FUBP3: variants seen among roughly 807,000 people sequenced by gnomAD.
FUBP3 encodes far upstream element-binding protein 3.
Under a neutral mutation model 85.6 loss-of-function variants are expected in FUBP3, and 28 were observed. The ratio of observed to expected loss-of-function variants is 0.33; its 90% CI spans 0.24 to 0.45. The LOEUF (loss-of-function observed/expected upper bound fraction) is 0.45. Ranked by LOEUF, FUBP3 falls within the 20% of genes least tolerant of loss-of-function variation. The pLI is 1.00. For synonymous variants in FUBP3, 271 were observed against 271.4 expected, an observed-to-expected ratio of 1.00 and a Z score of 0.01; for missense variants, 583 against 755.1, an observed-to-expected ratio of 0.77 and a Z score of 2.67.
chr9:130,603,778 T>G (rs1023244328), intron 2 of FUBP3, among the ~76,000 whole-genome samples: 5 of 152,144 alleles, frequency 3.3e-5, no homozygotes, highest in Non-Finnish European at 5.9e-5. Context: ...GTTGCCAAAT[T>G]AAAAGAGGAT....
At chr9:130,592,369 G>A (rs1830663364) in intron 1 of FUBP3, among the ~76,000 whole-genome samples, 1 of 152,160 alleles carries the variant, frequency 6.6e-6, no homozygotes, top group Non-Finnish European at 1.5e-5. Flanking sequence ...GATGAGTGTG[G>A]CTGTGTTCTA....
At chr9:130,594,444 G>A (rs74513151) in intron 1 of FUBP3, among the ~76,000 whole-genome samples, 10 of 152,134 alleles carry the variant, frequency 6.6e-5, no homozygotes, top group African/African-American at 1.4e-4. Flanking sequence ...TTAGCCGGGC[G>A]TGGTGGTGCA....
chr9:130,613,542 G>C (rs1045401078), intron 5 of FUBP3, among the ~76,000 whole-genome samples: 2 of 152,336 alleles, frequency 1.3e-5, no homozygotes, highest in East Asian at 1.9e-4. Context: ...GAGAGATGGA[G>C]TGAAGAACAA....
chr9:130,634,664 C>T lies in FUBP3; in HGVS notation c.1511-3C>T. The T allele has an allele frequency of 6.2e-7, 1 of 1,612,894 alleles. No individual in the cohort carries two copies. Among genetic ancestry groups the T allele is most frequent in the Non-Finnish European group, 8.5e-7 (1 of 1,179,702 alleles). ...CCTGACTGCTTTTGTGTTCTTCGCACAGGCCAGCAGAGCCAGCCGCAGAGC... is the reference window on the plus strand; with the variant it reads ...CCTGACTGCTTTTGTGTTCTTCGCATAGGCCAGCAGAGCCAGCCGCAGAGC... On this transcript the variant is annotated splice_region_variant and splice_polypyrimidine_tract_variant and intron_variant, in intron 16 of 18. Transcript: ENST00000319725.
rs116249470 is a variant in FUBP3 at position 130,600,196 on chromosome 9, A to G, written c.190+4608A>G. On this transcript the variant is annotated intron_variant, in intron 2 of 18. Transcript: ENST00000319725. ...AATATTAAGTCATATCCTTCTCTGA[A>G]TTTCTAAAGCAGTGTATTTGCCCTC... Among the ~76,000 whole-genome samples, 488 of 146,090 alleles carry G rather than the reference A, an allele frequency of 3.3e-3. 4 individuals carry two copies. The highest frequency in any genetic ancestry group is 0.012 in the African/African-American group (459 of 38,768).
chr9:130,636,334 G>A (rs1350536221), intron 18 of FUBP3: 21 of 675,192 alleles, frequency 3.1e-5, no homozygotes, highest in African/African-American at 3.0e-4. Flanking sequence ...TTTAGGCCAA[G>A]TGGGAGGATT....
intron 2 of FUBP3, among the ~76,000 whole-genome samples, chr9:130,596,141 A>G (rs1830854954): frequency 6.6e-6 from 1 of 152,188 alleles, no homozygotes; most frequent in Admixed American, 6.5e-5. Flanking sequence ...CCCAAAAAGA[A>G]TTTGAGAACA....
chr9:130,579,787 G>A, intron 1 of FUBP3, 23 bp downstream of exon 1: 2 of 1,254,642 alleles, frequency 1.6e-6, no homozygotes, highest in Non-Finnish European at 2.0e-6. Context: ...CCGGCTGGCA[G>A]GAGCACGAGA....
At chr9:130,615,543 G>C (rs928457241) in intron 6 of FUBP3, among the ~76,000 whole-genome samples, 2 of 151,270 alleles carry the variant, frequency 1.3e-5, no homozygotes, top group Non-Finnish European at 2.9e-5. Flanking sequence ...GAATCAATAC[G>C]AGAAATAACA....
chr9:130,584,373 C>G (rs1326180474), intron 1 of FUBP3, among the ~76,000 whole-genome samples: 1 of 151,622 alleles, frequency 6.6e-6, no homozygotes, highest in Non-Finnish European at 1.5e-5. Flanking sequence ...GCTAAAAATA[C>G]AAAAATTAGC....
chr9:130,597,338 T>C (rs946218730), intron 2 of FUBP3, among the ~76,000 whole-genome samples: 2 of 152,256 alleles, frequency 1.3e-5, no homozygotes, highest in East Asian at 1.9e-4. Flanking sequence ...TAACCCTGCT[T>C]CAAGGGAAAG....
chr9:130,580,292 T>A (rs1170758360), intron 1 of FUBP3, among the ~76,000 whole-genome samples: 1 of 152,212 alleles, frequency 6.6e-6, no homozygotes, highest in Admixed American at 6.5e-5. Context: ...GTCCCCAAGA[T>A]GTAGAAATTT....
chr9:130,585,259 C>T (rs1456877216), intron 1 of FUBP3, among the ~76,000 whole-genome samples: 1 of 152,190 alleles, frequency 6.6e-6, no homozygotes, highest in Non-Finnish European at 1.5e-5. Context: ...GTAGCTGCTG[C>T]GTTTTTGACA....
chr9:130,602,117 T>C (rs11243928), intron 2 of FUBP3, among the ~76,000 whole-genome samples: 16,237 of 152,110 alleles, frequency 0.11, 1,323 homozygotes, highest in East Asian at 0.39. Flanking sequence ...AATTTTTAAA[T>C]TGTACACCAT....
intron 3 of FUBP3, among the ~76,000 whole-genome samples, chr9:130,610,958 G>C (rs746538713): frequency 2.2e-4 from 33 of 152,156 alleles, no homozygotes; most frequent in Non-Finnish European, 4.4e-5. Flanking sequence ...AACTAGTCAG[G>C]ATTTTCTTTT....
At chr9:130,614,389 T>G (rs765100555) in intron 6 of FUBP3, 44 bp downstream of exon 6, 7 of 1,254,620 alleles carry the variant, frequency 5.6e-6, no homozygotes, top group Admixed American at 1.7e-5. Context: ...TTCTTCCTCC[T>G]TCCCCAAATG....
intron 2 of FUBP3, among the ~76,000 whole-genome samples, chr9:130,602,806 G>A (rs990659311): frequency 2.0e-5 from 3 of 152,086 alleles, no homozygotes; most frequent in African/African-American, 7.2e-5. Flanking sequence ...GTGGACATGG[G>A]CAGGCTTCCC....
rs116403161 is a variant in FUBP3, at chr9:130,626,544, T to C, written c.1117+39T>C. On this transcript the variant is annotated intron_variant, in intron 12 of 18. Coordinates refer to ENST00000319725, the MANE Select transcript of FUBP3 (RefSeq NM_003934.2). Reference sequence around the variant, plus strand: ...GGGGTTTCACATCCCCCCTCAGCTGTTTGGCTTGAGGGAAGGCAGGTCACG... The same window carrying C: ...GGGGTTTCACATCCCCCCTCAGCTGCTTGGCTTGAGGGAAGGCAGGTCACG... 1,507 of 1,602,598 alleles carry C rather than the reference T, an allele frequency of 9.4e-4. 10 individuals carry two copies. The African/African-American group carries it at 0.016, about 17-fold the overall frequency.
At chr9:130,596,337 G>T (rs1167302550) in intron 2 of FUBP3, among the ~76,000 whole-genome samples, 2 of 151,912 alleles carry the variant, frequency 1.3e-5, no homozygotes, top group Admixed American at 1.3e-4. Context: ...TTTTTCTGTC[G>T]CTATGTACCC....
Sources: gnomAD v4.1 joint callset for allele counts (sites outside exome capture counted in the v4.1 genomes callset) on GRCh38, gnomAD v4.1.1 for gene constraint, MANE v1.5 for transcripts, NCBI Gene and HGNC (gene_info 2026-07-23, HGNC 2026-07-21) for gene names.